Variants in NUP160 observed in about 807,000 individuals in gnomAD.
NUP160 encodes the protein nuclear pore complex protein Nup160.
A neutral mutation model predicts 196.9 loss-of-function variants in NUP160; 94 were observed. The ratio of observed to expected loss-of-function variants is 0.48; its 90% CI spans 0.40 to 0.57. NUP160 has a LOEUF of 0.57. NUP160 is among the 20% of genes least tolerant of loss of function. NUP160 has a pLI of 0.00. For synonymous variants in NUP160, 605 were observed against 619.7 expected (o/e 0.98, Z 0.35); for missense variants, 1,638 against 1,748.3 (o/e 0.94, Z 1.13).
chr11:47,817,492 G>A (rs891710438), intron 11 of NUP160, among the ~76,000 whole-genome samples: 18 of 151,948 alleles, frequency 1.2e-4, no homozygotes, highest in African/African-American at 3.9e-4. Flanking sequence ...GACTATAGGC[G>A]TGTGCCACCA....
exon 15 of NUP160, chr11:47,812,885 T>A: frequency 6.2e-7 from 1 of 1,610,846 alleles, no homozygotes; most frequent in Non-Finnish European, 8.5e-7. Flanking sequence ...TCCTTACACA[T>A]CAATAGTGAT....
chr11:47,840,634 C>G, intron 2 of NUP160, 46 bp from the exon 3 acceptor site: 1 of 1,403,084 alleles, frequency 7.1e-7, no homozygotes, highest in Non-Finnish European at 9.8e-7. Flanking sequence ...GCTTTTCTCA[C>G]TGACTGTTCT....
chr11:47,804,562 T>C (rs2097676340), exon 21 of NUP160: 4 of 1,538,350 alleles, frequency 2.6e-6, no homozygotes, highest in Non-Finnish European at 3.5e-6. Flanking sequence ...CAATTGTACA[T>C]ATTGGCAATT....
At chr11:47,807,246 C>A (rs538121195) in intron 18 of NUP160, 106 bp from the exon 19 acceptor site, 52 of 690,682 alleles carry the variant, frequency 7.5e-5, no homozygotes, top group Non-Finnish European at 1.3e-4. Flanking sequence ...ATAAATTGCA[C>A]ATAAAAGCTC....
chr11:47,801,639 C>T (rs1025499840), intron 23 of NUP160, among the ~76,000 whole-genome samples, 172 bp downstream of exon 23: 17 of 152,138 alleles, frequency 1.1e-4, no homozygotes, highest in Admixed American at 5.9e-4. Flanking sequence ...CATGAGCCAC[C>T]GTGCCCGGCC....
At chr11:47,819,424 G>T in exon 10 of NUP160, 1 of 1,613,548 alleles carries the variant, frequency 6.2e-7, no homozygotes, top group East Asian at 2.2e-5. Flanking sequence ...GGCAGAGGCT[G>T]CATAAAAACT....
chr11:47,802,042 A>C, intron 22 of NUP160, 112 bp from the exon 23 acceptor site: 1 of 911,460 alleles, frequency 1.1e-6, no homozygotes. Context: ...ATTACTTAAC[A>C]TGGTCTACTC....
chr11:47,782,848 G>A (rs1057252612), intron 34 of NUP160, among the ~76,000 whole-genome samples: 6 of 152,002 alleles, frequency 3.9e-5, no homozygotes, highest in East Asian at 3.8e-4. Flanking sequence ...TAGTAGAGAC[G>A]GGGCTTTGCC....
intron 2 of NUP160, among the ~76,000 whole-genome samples, chr11:47,842,520 T>C (rs1852326133): frequency 6.6e-6 from 1 of 152,090 alleles, no homozygotes; most frequent in Non-Finnish European, 1.5e-5. Flanking sequence ...AACATACAGA[T>C]GTCCTTGTTC....
chr11:47,820,246 G>T (rs1036117627), intron 9 of NUP160: 3 of 152,150 alleles, frequency 2.0e-5, no homozygotes, highest in African/African-American at 7.2e-5. Context: ...GCCAACTTTA[G>T]TGACACTAAT....
chr11:47,837,638 A>C lies in NUP160; in HGVS notation c.749-15T>G. 1 of 1,607,698 alleles carries C rather than the reference A, an allele frequency of 6.2e-7. No individual in the cohort carries two copies. Among genetic ancestry groups the C allele is most frequent in the Non-Finnish European group, 8.5e-7 (1 of 1,174,120 alleles). On this transcript the variant is annotated splice_polypyrimidine_tract_variant and intron_variant, in intron 4 of 35. Transcript: ENST00000378460. ...TGACACCATACCTGCAATGATATCC[A>C]AGGCACCTCTTGAACACACTTAGAG...
At chr11:47,825,289 C>CTTTT (rs951985017) in intron 7 of NUP160, among the ~76,000 whole-genome samples, 33 of 145,800 alleles carry the variant, frequency 2.3e-4, no homozygotes, top group Non-Finnish European at 4.9e-4. Context: ...TTTTAAATAA[C>CTTTT]TTTTTTTTTT....
intron 4 of NUP160, among the ~76,000 whole-genome samples, chr11:47,837,846 G>C (rs1388001864): frequency 5.9e-5 from 9 of 152,108 alleles, no homozygotes; most frequent in Non-Finnish European, 1.3e-4. Flanking sequence ...GGAAATTTTT[G>C]CCTTTTACAG....
In NUP160 at chr11:47,802,545, C is replaced by A. The variant is rs572677422; in HGVS notation, c.2776-615G>T. Among the ~76,000 whole-genome samples, 4 of 152,236 alleles carry A rather than the reference C, an allele frequency of 2.6e-5. No individual in the cohort carries two copies. The South Asian group carries it at 6.2e-4, about 24-fold the overall frequency. ...GTAGAATTTGAGTGATAGGTATATA[C>A]TGTTCACTGTAAAAAGTCTTTAAAC... is the stretch of plus-strand genomic sequence containing the variant. On this transcript the variant is annotated intron_variant, in intron 22 of 35. Coordinates refer to ENST00000378460, the Ensembl canonical transcript of NUP160.
upstream of NUP160, chr11:47,848,510 G>A: frequency 9.8e-7 from 1 of 1,016,462 alleles, no homozygotes; most frequent in East Asian, 2.6e-5. Flanking sequence ...GAAGAGAAGG[G>A]GGCAGGGGAG....
chr11:47,822,881 C>A (rs1851892064), intron 7 of NUP160, among the ~76,000 whole-genome samples: 1 of 152,276 alleles, frequency 6.6e-6, no homozygotes, highest in African/African-American at 2.4e-5. Flanking sequence ...CATCCGTGTC[C>A]CTACAAAGGA....
At position 47,848,353 on chromosome 11, in the gene NUP160, A is replaced by C. The variant is rs1852446757; in HGVS notation, c.68T>G (p.Leu23Arg). Residue 23 changes from leucine (L) to arginine (R), a missense_variant, in exon 1 of 36, where the codon CTT becomes CGT. This residue lies in a region of NUP160 where 287 missense variants were observed against 259.5 expected (regional missense o/e 1.11). Coordinates refer to ENST00000378460, the Ensembl canonical transcript of NUP160. ...GTCGCCGCGACGCCCAACGGAACAA[A>C]GGCAGGGCCGCGCGGTCGCCGTCAC... The C allele has an allele frequency of 6.2e-7, 1 of 1,612,318 alleles. No individual in the cohort carries two copies. Among genetic ancestry groups the C allele is most frequent in the Non-Finnish European group, 8.5e-7 (1 of 1,179,338 alleles).
At chr11:47,827,155 T>A (rs1038579799) in intron 7 of NUP160, 1 of 455,930 alleles carries the variant, frequency 2.2e-6, no homozygotes, top group Non-Finnish European at 4.4e-6. Flanking sequence ...CTGCTTGAAC[T>A]CAGGAGTTTG....
At chr11:47,832,995 G>A (rs919948940) in intron 7 of NUP160, among the ~76,000 whole-genome samples, 1 of 150,354 alleles carries the variant, frequency 6.7e-6, no homozygotes, top group Non-Finnish European at 1.5e-5. Flanking sequence ...AGAAATGGGG[G>A]AAGGGAAGAA....
Sources: gnomAD v4.1 joint callset for allele counts (sites outside exome capture counted in the v4.1 genomes callset) on GRCh38, gnomAD v4.1.1 for gene constraint, gnomAD v4.1.1 regional missense constraint, MANE v1.5 for transcripts, NCBI Gene and HGNC (gene_info 2026-07-23, HGNC 2026-07-21) for gene names.